The following CPLX2 variants were observed in gnomAD, a reference collection of about 807,000 sequenced individuals.
CPLX2 encodes the protein complexin 2.
In CPLX2, 5 loss-of-function variants were observed where a neutral mutation model predicts 16.3. The observed-to-expected ratio is 0.31, with a 90% CI of 0.16 to 0.64. The LOEUF is 0.64. Among genes scored for constraint, CPLX2 ranks in the 30% least tolerant of loss-of-function variants. CPLX2 has a pLI of 0.79. For missense variants in CPLX2, 144 were observed against 181.4 expected, an observed-to-expected ratio of 0.79 and a Z score of 1.18; for synonymous variants, 89 against 73.2, an observed-to-expected ratio of 1.22 and a Z score of -1.10.
At chr5:175,827,641 A>G (rs1758643602) in intron 2 of CPLX2, among the ~76,000 whole-genome samples, 1 of 152,144 alleles carries the variant, frequency 6.6e-6, no homozygotes, top group South Asian at 2.1e-4. Context: ...AGCACCTGTA[A>G]TCCAGCTACT....
chr5:175,835,881 G>C (rs2113662802), intron 2 of CPLX2, among the ~76,000 whole-genome samples: 1 of 151,736 alleles, frequency 6.6e-6, no homozygotes, highest in Non-Finnish European at 1.5e-5. Context: ...TGGGACTACA[G>C]GTGTGCACCA....
At chr5:175,800,888 G>A (rs1171514349) in intron 1 of CPLX2, among the ~76,000 whole-genome samples, 1 of 152,166 alleles carries the variant, frequency 6.6e-6, no homozygotes, top group African/African-American at 2.4e-5. Flanking sequence ...TAGTGACATG[G>A]AATTGAGGCC....
chr5:175,827,717 G>A (rs1182983882), intron 2 of CPLX2, among the ~76,000 whole-genome samples: 6 of 152,110 alleles, frequency 3.9e-5, no homozygotes, highest in South Asian at 2.1e-4. Flanking sequence ...CTGAGATCAC[G>A]CCACTGCACT....
At chr5:175,856,167 T>C (rs1157833684) in intron 2 of CPLX2, among the ~76,000 whole-genome samples, 1 of 152,238 alleles carries the variant, frequency 6.6e-6, no homozygotes, top group Non-Finnish European at 1.5e-5. Flanking sequence ...AACCTCTCTC[T>C]GCCTCTCTCC....
intron 1 of CPLX2, among the ~76,000 whole-genome samples, chr5:175,800,083 A>AAATGAGTAG (rs1366361947): frequency 6.6e-6 from 1 of 152,070 alleles, no homozygotes; most frequent in Non-Finnish European, 1.5e-5. Flanking sequence ...TGGAGGTGCT[A>AAATGAGTAG]AATGAGTAGT....
chr5:175,871,462 A>AGG (rs1314845721), upstream of CPLX2: 58 of 136,232 alleles, frequency 4.3e-4, no homozygotes, highest in East Asian at 8.8e-4. Context: ...AGAGAGAGAG[A>AGG]GAGAGAGAGA....
chr5:175,878,703 T>C lies in CPLX2; in HGVS notation c.-37T>C. 6.2e-7 allele frequency: 1 copy of C among 1,610,352 alleles called. No homozygotes were observed. The highest frequency in any genetic ancestry group is 8.5e-7 in the Non-Finnish European group (1 of 1,178,736). On this transcript the variant is annotated 5_prime_UTR_variant, in exon 2 of 4. Transcript: ENST00000393745. ...AGCCAGGAGCGCTGCATGCAAATTC[T>C]GCCGTGGGCTAAGGCACGCTAACCA...
chr5:175,871,411 G>GAGAGAGAGAGAGAGAGAC (rs1491367863), upstream of CPLX2: 15 of 21,200 alleles, frequency 7.1e-4, no homozygotes, highest in African/African-American at 2.2e-3. Context: ...AGAGAGAGAG[G>GAGAGAGAGAGAGAGAGAC]AGAGAGAGAG....
intron 2 of CPLX2, among the ~76,000 whole-genome samples, chr5:175,861,336 C>T (rs760868700): frequency 2.0e-5 from 3 of 152,120 alleles, no homozygotes; most frequent in Admixed American, 6.5e-5. Context: ...GTAAAAAGGG[C>T]GCCCCAGAGG....
intron 2 of CPLX2, among the ~76,000 whole-genome samples, chr5:175,834,544 T>G (rs1399973367): frequency 1.3e-5 from 2 of 151,372 alleles, no homozygotes; most frequent in African/African-American, 4.9e-5. Context: ...GCAGGGGGAG[T>G]CACCTTAAAC....
At chr5:175,824,531 G>C (rs973633859) in intron 2 of CPLX2, among the ~76,000 whole-genome samples, 1 of 152,210 alleles carries the variant, frequency 6.6e-6, no homozygotes, top group African/African-American at 2.4e-5. Context: ...GGATCAGTGA[G>C]ACCTAAAGGC....
chr5:175,802,820 TTTC>T, intron 1 of CPLX2, among the ~76,000 whole-genome samples: 1 of 152,058 alleles, frequency 6.6e-6, no homozygotes, highest in East Asian at 1.9e-4. Context: ...CCTTCCTTCC[TTTC>T]TTTTTTTTTA....
intron 1 of CPLX2, among the ~76,000 whole-genome samples, chr5:175,804,662 G>A (rs114081997): frequency 1.4e-3 from 211 of 152,322 alleles, no homozygotes; most frequent in African/African-American, 5.0e-3. Flanking sequence ...GATCTCAGCT[G>A]CATCTCAGAG....
At chr5:175,865,055 C>T (rs1759446902) in intron 2 of CPLX2, among the ~76,000 whole-genome samples, 1 of 148,594 alleles carries the variant, frequency 6.7e-6, no homozygotes, top group Non-Finnish European at 1.5e-5. Context: ...AACCCTCCCC[C>T]AACCACATAC....
intron 2 of CPLX2, among the ~76,000 whole-genome samples, chr5:175,851,768 C>T (rs978787161): frequency 2.0e-5 from 3 of 152,220 alleles, no homozygotes; most frequent in African/African-American, 7.2e-5. Flanking sequence ...GGAATCAACG[C>T]CGGGGCTGTC....
chr5:175,858,030 C>T lies in CPLX2; in HGVS notation c.-88-20622C>T, dbSNP rs113550105. 3.1e-3 allele frequency among the ~76,000 whole-genome samples: 470 copies of T among 152,346 alleles called. 3 individuals are homozygous for T. Among genetic ancestry groups the T allele is most frequent in the African/African-American group, 0.011 (442 of 41,584 alleles). On this transcript the variant is annotated intron_variant, in intron 2 of 4. Coordinates refer to the CPLX2 transcript ENST00000359546. ...AACGTGCCTGCAAGGAAAGTGTCAA[C>T]ATCCCACTTTGCAAATGAGGAAACT...
intron 2 of CPLX2, among the ~76,000 whole-genome samples, chr5:175,865,018 T>C (rs949329783): frequency 6.6e-6 from 1 of 152,162 alleles, no homozygotes; most frequent in African/African-American, 2.4e-5. Flanking sequence ...ATTTCTTTAA[T>C]GCATGCCTCA....
At chr5:175,866,737 G>A (rs1759486447), upstream of CPLX2, among the ~76,000 whole-genome samples, 1 of 152,138 alleles carries the variant, frequency 6.6e-6, no homozygotes, top group Non-Finnish European at 1.5e-5. Context: ...CACGACCAAT[G>A]AGTCAGAGTT....
At chr5:175,811,826 G>A (rs887954763) in intron 2 of CPLX2, among the ~76,000 whole-genome samples, 4 of 152,230 alleles carry the variant, frequency 2.6e-5, no homozygotes, top group African/African-American at 9.6e-5. Flanking sequence ...GGCACCACAT[G>A]GCTAAATGTC....
Sources: allele counts gnomAD v4.1 joint callset (sites outside exome capture counted in the v4.1 genomes callset), GRCh38; gene constraint gnomAD v4.1.1; transcripts MANE v1.5; gene names NCBI Gene and HGNC (gene_info 2026-07-23, HGNC 2026-07-21).